ATP9B: variants seen among roughly 807,000 people sequenced by gnomAD.
The protein encoded by ATP9B is probable phospholipid-transporting ATPase IIB.
A neutral mutation model predicts 146.1 loss-of-function variants in ATP9B; 110 were observed. The ratio of observed to expected loss-of-function variants is 0.75; its 90% CI spans 0.65 to 0.88. The LOEUF (loss-of-function observed/expected upper bound fraction) is 0.88. Among genes scored for constraint, ATP9B ranks in the 40% least tolerant of loss-of-function variants. The pLI is 0.00. For synonymous variants in ATP9B, 604 were observed against 569.7 expected (o/e 1.06, Z -0.86); for missense variants, 1,499 against 1,496.4 (o/e 1.00, Z -0.03).
At chr18:79,276,702 A>G (rs1019111490) in intron 12 of ATP9B, among the ~76,000 whole-genome samples, 3 of 152,090 alleles carry the variant, frequency 2.0e-5, no homozygotes, top group Non-Finnish European at 4.4e-5. Context: ...GGAGTTACCT[A>G]TTTTTCTGTC....
chr18:79,348,261 AAAAAAAAAC>A (rs1165581532), intron 25 of ATP9B, 65 bp downstream of exon 25: 25 of 1,337,974 alleles, frequency 1.9e-5, no homozygotes, highest in African/African-American at 1.5e-4. Flanking sequence ...AAAAAAAAAA[AAAAAAAAAC>A]AAAAAACGTA....
chr18:79,100,815 T>C (rs1313045110), intron 2 of ATP9B, among the ~76,000 whole-genome samples: 4 of 152,134 alleles, frequency 2.6e-5, no homozygotes, highest in Admixed American at 1.3e-4. Context: ...TCACATCTTA[T>C]GTGGGTGGCA....
At chr18:79,245,128 G>C (rs924172183) in intron 11 of ATP9B, among the ~76,000 whole-genome samples, 1 of 152,266 alleles carries the variant, frequency 6.6e-6, no homozygotes, top group Middle Eastern at 3.4e-3. Context: ...TTGCTGGCTT[G>C]TTTGTAAAAT....
At chr18:79,297,313 AAGAG>A (rs1303784008) in intron 13 of ATP9B, among the ~76,000 whole-genome samples, 3 of 137,324 alleles carry the variant, frequency 2.2e-5, no homozygotes, top group African/African-American at 8.3e-5. Flanking sequence ...AGAGAGGAGA[AAGAG>A]AGATGACCCA....
At chr18:79,073,474 A>G (rs1012858336) in intron 1 of ATP9B, among the ~76,000 whole-genome samples, 2 of 152,224 alleles carry the variant, frequency 1.3e-5, no homozygotes, top group Non-Finnish European at 2.9e-5. Flanking sequence ...CAAAAAATAC[A>G]AAAACCAGTC....
intron 2 of ATP9B, 88 bp from the exon 3 acceptor site, chr18:79,110,267 C>T (rs2075916965): frequency 3.1e-6 from 4 of 1,277,486 alleles, no homozygotes; most frequent in Non-Finnish European, 4.2e-6. Flanking sequence ...CAGAAACAAT[C>T]AATATTGACT....
chr18:79,307,029 T>G lies in ATP9B; in HGVS notation c.1568T>G (p.Leu523Arg). Residue 523 changes from leucine to arginine, a missense_variant, in exon 15 of 30, where the codon CTA becomes CGA. By Grantham distance (102) the Leu-to-Arg change is moderately radical. Transcript: ENST00000426216. ...GGAAACAATACTGGTTCAACTCCAC[T>G]AAGAAAAGCCCAATCTTCAGCTCCC... ...AGGNNTGSTP[L>R]RKAQSSAPKV... is the part of the protein sequence containing the mutation. 6.2e-7 allele frequency: 1 copy of G among 1,614,182 alleles called. No homozygotes were observed. The highest frequency in any genetic ancestry group is 8.5e-7 in the Non-Finnish European group (1 of 1,180,022).
At chr18:79,070,435 A>G (rs2071593581) in intron 1 of ATP9B, among the ~76,000 whole-genome samples, 1 of 152,226 alleles carries the variant, frequency 6.6e-6, no homozygotes, top group Admixed American at 6.5e-5. Flanking sequence ...AACTCAAGCC[A>G]TGGTTTCCTC....
At chr18:79,144,842 A>G (rs2147447045) in intron 6 of ATP9B, 1 of 153,698 alleles carries the variant, frequency 6.5e-6, no homozygotes, top group Middle Eastern at 3.4e-3. Context: ...ATTACACATA[A>G]TTATTGGATA....
intron 6 of ATP9B, among the ~76,000 whole-genome samples, chr18:79,147,701 A>G (rs1314995098): frequency 6.6e-6 from 1 of 151,992 alleles, no homozygotes; most frequent in African/African-American, 2.4e-5. Flanking sequence ...TGTAGCATGA[A>G]ACTCCTGTGG....
intron 12 of ATP9B, among the ~76,000 whole-genome samples, chr18:79,272,913 T>G (rs1208408578): frequency 6.6e-6 from 1 of 152,206 alleles, no homozygotes; most frequent in African/African-American, 2.4e-5. Flanking sequence ...TAAAACACAG[T>G]TACCTATGCC....
chr18:79,204,657 T>C (rs2095518387), intron 9 of ATP9B, among the ~76,000 whole-genome samples: 1 of 152,210 alleles, frequency 6.6e-6, no homozygotes. Flanking sequence ...CCTAAGGGAC[T>C]GTAGAGTTAA....
intron 6 of ATP9B, among the ~76,000 whole-genome samples, chr18:79,151,592 G>T (rs768329105): frequency 2.0e-5 from 3 of 152,154 alleles, no homozygotes; most frequent in Non-Finnish European, 2.9e-5. Flanking sequence ...ATGCAGTTCC[G>T]CTATGGTAGA....
intron 27 of ATP9B, among the ~76,000 whole-genome samples, chr18:79,373,505 T>TG (rs1448549844): frequency 7.1e-6 from 1 of 141,498 alleles, no homozygotes; most frequent in Non-Finnish European, 1.5e-5. Context: ...TTTTTTTTTT[T>TG]TTTAGACAGA....
intron 6 of ATP9B, chr18:79,144,095 C>T (rs1407833961): frequency 6.0e-6 from 2 of 331,088 alleles, no homozygotes; most frequent in African/African-American, 2.1e-5. Context: ...AGATGGTTAA[C>T]TGCTTAATGT....
Position 79,307,212 on chromosome 18 carries a change from ACC to A in ATP9B, c.1752_1753del (p.Tyr584Ter). 1 of 1,614,238 alleles carries A rather than the reference ACC, an allele frequency of 6.2e-7. No individual in the cohort carries two copies. Among genetic ancestry groups the A allele is most frequent in the Non-Finnish European group, 8.5e-7 (1 of 1,180,030 alleles). ...GACTTCAGTGATGAGAATCGCACCT[ACC>A]AGGCTTCCAGCCCGGATGAGGTCAG... On this transcript the variant is annotated stop_gained and frameshift_variant, in exon 15 of 30. Transcript: ENST00000426216. LOFTEE classifies it high-confidence loss of function.
Position 79,377,512 on chromosome 18 carries a change from A to C in ATP9B, c.*129A>C. ...CACCACAAGAAAGGGAGGGTACGCC[A>C]GGCGAGCCCAGGGCACAGATGCTGA... On this transcript the variant is annotated 3_prime_UTR_variant, in exon 30 of 30. Transcript: ENST00000426216. The C allele has an allele frequency of 1.6e-6, 2 of 1,222,266 alleles. No homozygotes were observed. The highest frequency in any genetic ancestry group is 2.3e-6 in the Non-Finnish European group (2 of 886,260). The allele number at this position is 1,222,266 out of a possible 1,614,324, so 75.7% of individuals were successfully genotyped here.
intron 11 of ATP9B, among the ~76,000 whole-genome samples, chr18:79,250,074 G>A (rs1299092698): frequency 6.6e-6 from 1 of 152,234 alleles, no homozygotes; most frequent in Non-Finnish European, 1.5e-5. Context: ...CACTAGTCAA[G>A]CATCTGACCA....
chr18:79,115,061 C>A (rs1173960761), intron 4 of ATP9B: 2 of 152,228 alleles, frequency 1.3e-5, no homozygotes, highest in Non-Finnish European at 2.9e-5. Flanking sequence ...TGATAAGCAA[C>A]TTCAGCAAAG....
Sources: gnomAD v4.1 joint callset for allele counts (sites outside exome capture counted in the v4.1 genomes callset) on GRCh38, gnomAD v4.1.1 for gene constraint, MANE v1.5 for transcripts, NCBI Gene and HGNC (gene_info 2026-07-23, HGNC 2026-07-21) for gene names.